AKAP19: variants seen among roughly 807,000 people sequenced by gnomAD.
The protein encoded by AKAP19 is small A-kinase anchoring protein.
chr2:190,063,018 A>G, the AKAP19 span, among the ~76,000 whole-genome samples: 1 of 152,116 alleles, frequency 6.6e-6, no homozygotes. Flanking sequence ...ACTAATCCTC[A>G]CACAACTCTT....
chr2:189,909,182 G>A, the AKAP19 span, among the ~76,000 whole-genome samples: 7 of 151,564 alleles, frequency 4.6e-5, no homozygotes, highest in Non-Finnish European at 7.4e-5. Flanking sequence ...GTCACACTAC[G>A]TTCTTTTGGT....
At chr2:190,054,870 A>G in the AKAP19 span, among the ~76,000 whole-genome samples, 1 of 152,146 alleles carries the variant, frequency 6.6e-6, no homozygotes, top group Admixed American at 6.5e-5. Flanking sequence ...ACAATTTTAC[A>G]CTGTTGGTGG....
the AKAP19 span, among the ~76,000 whole-genome samples, chr2:190,165,487 C>T: frequency 6.6e-6 from 1 of 151,774 alleles, no homozygotes; most frequent in Admixed American, 6.6e-5. Flanking sequence ...AATAGAATTT[C>T]AAGAAATGAA....
At chr2:190,175,170 C>T in the AKAP19 span, among the ~76,000 whole-genome samples, 1 of 152,120 alleles carries the variant, frequency 6.6e-6, no homozygotes. Context: ...TCTACTTATA[C>T]CATAGAAATA....
At chr2:189,997,015 C>T in the AKAP19 span, among the ~76,000 whole-genome samples, 15 of 152,288 alleles carry the variant, frequency 9.8e-5, no homozygotes, top group East Asian at 1.9e-4. Context: ...GTGAAGTAGA[C>T]GGCAAGAGTC....
At chr2:189,882,621 A>G in the AKAP19 span, among the ~76,000 whole-genome samples, 1 of 152,190 alleles carries the variant, frequency 6.6e-6, no homozygotes, top group Non-Finnish European at 1.5e-5. Context: ...TATATAAACA[A>G]TAGGGCAAAG....
the AKAP19 span, among the ~76,000 whole-genome samples, chr2:190,052,338 T>C: frequency 3.9e-5 from 6 of 152,240 alleles, no homozygotes; most frequent in East Asian, 1.2e-3. Context: ...CTCAATTGTT[T>C]CCATGTAACA....
the AKAP19 span, among the ~76,000 whole-genome samples, chr2:189,903,409 T>G: frequency 2.0e-5 from 3 of 152,074 alleles, no homozygotes; most frequent in Non-Finnish European, 2.9e-5. Context: ...TAATGATGAT[T>G]CTTAGAACAA....
chr2:190,035,033 C>G, the AKAP19 span, among the ~76,000 whole-genome samples: 1 of 152,008 alleles, frequency 6.6e-6, no homozygotes, highest in Admixed American at 6.6e-5. Context: ...GTCCCTGCCC[C>G]CAGATTATTT....
the AKAP19 span, among the ~76,000 whole-genome samples, chr2:190,004,857 G>A: frequency 3.3e-5 from 5 of 152,252 alleles, no homozygotes; most frequent in Admixed American, 2.0e-4. Context: ...GAACACTGTT[G>A]TAGGTTCAGT....
At chr2:189,973,675 T>G in the AKAP19 span, among the ~76,000 whole-genome samples, 1 of 152,122 alleles carries the variant, frequency 6.6e-6, no homozygotes, top group African/African-American at 2.4e-5. Context: ...TGTTATTGGT[T>G]ATTCAGGGAT....
At chr2:190,050,828 C>T in the AKAP19 span, among the ~76,000 whole-genome samples, 1 of 152,050 alleles carries the variant, frequency 6.6e-6, no homozygotes, top group East Asian at 1.9e-4. Flanking sequence ...TTTGTGATGC[C>T]CTCCCTCATG....
At chr2:190,138,728 A>G in the AKAP19 span, among the ~76,000 whole-genome samples, 1 of 152,202 alleles carries the variant, frequency 6.6e-6, no homozygotes, top group African/African-American at 2.4e-5. Context: ...GTTCCCTCCA[A>G]CAGAGCCTGT....
the AKAP19 span, among the ~76,000 whole-genome samples, chr2:189,914,143 A>ACTTCCAC: frequency 1.5e-4 from 23 of 152,202 alleles, no homozygotes; most frequent in Middle Eastern, 3.4e-3. Context: ...CTGTCTCACA[A>ACTTCCAC]TATAGTGATT....
At chr2:190,132,097 C>T in the AKAP19 span, among the ~76,000 whole-genome samples, 4 of 151,694 alleles carry the variant, frequency 2.6e-5, no homozygotes, top group Admixed American at 6.6e-5. Flanking sequence ...AGAAATTTAA[C>T]CAAAGAGGTG....
the AKAP19 span, among the ~76,000 whole-genome samples, chr2:189,997,607 G>A: frequency 2.0e-5 from 3 of 152,166 alleles, no homozygotes; most frequent in East Asian, 3.9e-4. Flanking sequence ...AGCTGGTCTC[G>A]CTCCCACCAT....
chr2:190,077,455 G>GTGAAAATGT, the AKAP19 span, among the ~76,000 whole-genome samples: 4 of 151,674 alleles, frequency 2.6e-5, no homozygotes, highest in African/African-American at 9.7e-5. Context: ...ATGTTAACAT[G>GTGAAAATGT]TTAACATGTT....
chr2:189,933,291 G>T, the AKAP19 span, among the ~76,000 whole-genome samples: 1 of 152,224 alleles, frequency 6.6e-6, no homozygotes, highest in African/African-American at 2.4e-5. Flanking sequence ...GAGAGTGGGG[G>T]CAGAAACAGT....
chr2:189,944,712 A>G, the AKAP19 span, among the ~76,000 whole-genome samples: 2 of 152,226 alleles, frequency 1.3e-5, no homozygotes, highest in African/African-American at 4.8e-5. Context: ...ATTAACAAAC[A>G]TCAAAGTTAA....
Sources: gnomAD v4.1 joint callset for allele counts (sites outside exome capture counted in the v4.1 genomes callset) on GRCh38, gnomAD v4.1.1 for gene constraint, MANE v1.5 for transcripts, NCBI Gene and HGNC (gene_info 2026-07-23, HGNC 2026-07-21) for gene names.